The following PDE7B variants were observed in gnomAD, a reference collection of about 807,000 sequenced individuals.
PDE7B encodes the protein 3',5'-cyclic-AMP phosphodiesterase 7B.
Under a neutral mutation model 56.2 loss-of-function variants are expected in PDE7B, and 29 were observed. That is an observed-to-expected ratio of 0.52 (90% CI 0.38 to 0.70). The LOEUF is 0.70. PDE7B is among the 30% of genes least tolerant of loss of function. The pLI is 0.00. For synonymous variants in PDE7B, 197 were observed against 196.9 expected (o/e 1.00, Z 0.00); for missense variants, 490 against 565.0 (o/e 0.87, Z 1.35).
At chr6:135,890,897 G>T (rs1775799357) in intron 1 of PDE7B, among the ~76,000 whole-genome samples, 1 of 152,114 alleles carries the variant, frequency 6.6e-6, no homozygotes, top group South Asian at 2.1e-4. Context: ...AAAAGTTGAA[G>T]TGTTTATTCA....
At chr6:136,141,245 T>A (rs1398980546) in intron 3 of PDE7B, among the ~76,000 whole-genome samples, 2 of 152,226 alleles carry the variant, frequency 1.3e-5, no homozygotes, top group Non-Finnish European at 2.9e-5. Context: ...TGTCTTTGGT[T>A]CTGTTTATAT....
chr6:136,021,023 A>C (rs1776061354), intron 2 of PDE7B, among the ~76,000 whole-genome samples: 2 of 152,144 alleles, frequency 1.3e-5, no homozygotes, highest in South Asian at 4.1e-4. Flanking sequence ...CACCTACTGT[A>C]CCTAGTTTCC....
chr6:136,069,378 C>A (rs1057082311), intron 2 of PDE7B, among the ~76,000 whole-genome samples: 1 of 152,150 alleles, frequency 6.6e-6, no homozygotes, highest in Non-Finnish European at 1.5e-5. Flanking sequence ...TGAGGCTACA[C>A]TGATCAAATC....
At chr6:135,920,546 CAT>C (rs1292810671) in intron 1 of PDE7B, among the ~76,000 whole-genome samples, 1 of 152,140 alleles carries the variant, frequency 6.6e-6, no homozygotes, top group Non-Finnish European at 1.5e-5. Context: ...TTGTGTCACC[CAT>C]ATGATAGTGA....
intron 11 of PDE7B, among the ~76,000 whole-genome samples, chr6:136,186,297 G>A (rs1424077290): frequency 3.3e-5 from 5 of 151,944 alleles, no homozygotes; most frequent in South Asian, 2.1e-4. Flanking sequence ...GCATGGTGGT[G>A]CATGCCTGTA....
chr6:136,113,366 G>C (rs1777780753), intron 3 of PDE7B, among the ~76,000 whole-genome samples: 1 of 152,292 alleles, frequency 6.6e-6, no homozygotes, highest in East Asian at 1.9e-4. Context: ...GATTCATCTA[G>C]ATCAATAGAA....
chr6:136,113,229 G>C (rs1376799330), intron 3 of PDE7B, among the ~76,000 whole-genome samples: 1 of 152,136 alleles, frequency 6.6e-6, no homozygotes. Flanking sequence ...CACAATGTGT[G>C]TGTGTATATA....
rs1779139601 is a variant in PDE7B at position 136,185,996 on chromosome 6, TAC to T, written c.1046-1038_1046-1037del. On this transcript the variant is annotated intron_variant, in intron 11 of 12. Coordinates refer to ENST00000308191, the MANE Select transcript of PDE7B (RefSeq NM_018945.4). ...AGTATTTCAATAAAGTTTTGTACAA[TAC>T]ATTTCTCCTTTGATCTTCTATTAGG... Among the ~76,000 whole-genome samples the T allele has an allele frequency of 2.0e-5, 3 of 152,190 alleles. No individual in the cohort carries two copies. The South Asian group carries it at 6.2e-4, about 32-fold the overall frequency.
chr6:136,169,260 T>C (rs545420406), intron 8 of PDE7B, among the ~76,000 whole-genome samples: 100 of 152,278 alleles, frequency 6.6e-4, no homozygotes, highest in Middle Eastern at 3.4e-3. Flanking sequence ...GAATCCACCA[T>C]GGTGCCCCTA....
Position 136,075,331 on chromosome 6 carries a change from C to T in PDE7B, c.83-33400C>T, listed in dbSNP as rs943333371. Among the ~76,000 whole-genome samples the T allele has an allele frequency of 4.6e-5, 7 of 152,160 alleles. No homozygotes were observed. The East Asian group carries it at 5.8e-4, about 13-fold the overall frequency. Reference sequence around the variant, plus strand: ...TAAGATTTCAAAGTGCTAGGCAAAGCGTCCCCAACCCACTGCAGATTCTCA... The same window carrying T: ...TAAGATTTCAAAGTGCTAGGCAAAGTGTCCCCAACCCACTGCAGATTCTCA... On this transcript the variant is annotated intron_variant, in intron 2 of 12. Transcript: ENST00000308191.
intron 1 of PDE7B, among the ~76,000 whole-genome samples, chr6:135,910,043 T>C (rs549010191): frequency 4.6e-5 from 7 of 152,232 alleles, no homozygotes; most frequent in Non-Finnish European, 8.8e-5. Flanking sequence ...ATTGCTTTTG[T>C]AGTGTCTGTG....
chr6:135,942,969 T>C (rs992636025), intron 1 of PDE7B, among the ~76,000 whole-genome samples: 4 of 152,334 alleles, frequency 2.6e-5, no homozygotes, highest in East Asian at 3.9e-4. Context: ...CAGTATTTTA[T>C]AGCATTCATC....
In PDE7B at chr6:135,900,389, T is replaced by C. The variant is rs1209097757; in HGVS notation, c.22-47075T>C. ...ATTTTACATCCTTGTCCTCAACTCTTTGTCCTTTTTAGCTACATTCCTAAA... is the reference window on the plus strand; with the variant it reads ...ATTTTACATCCTTGTCCTCAACTCTCTGTCCTTTTTAGCTACATTCCTAAA... On this transcript the variant is annotated intron_variant, in intron 1 of 12. Transcript: ENST00000308191. Among the ~76,000 whole-genome samples, 3 of 152,162 alleles carry C rather than the reference T, an allele frequency of 2.0e-5. No homozygotes were observed. In the East Asian group the frequency reaches 5.8e-4, roughly 29 times the overall value.
intron 2 of PDE7B, among the ~76,000 whole-genome samples, chr6:136,005,491 C>T (rs1489116394): frequency 6.6e-6 from 1 of 152,164 alleles, no homozygotes; most frequent in Non-Finnish European, 1.5e-5. Flanking sequence ...CTACAATGAA[C>T]TCCAACAAAT....
rs116950997 is a variant in PDE7B at position 135,873,178 on chromosome 6, G to T, written c.21+21159G>T. Reference sequence around the variant, plus strand: ...AGTGATCTGTCATTAAGTGGCAATTGTTGTTTAACTCCCTTCACTTTTCTC... The same window carrying T: ...AGTGATCTGTCATTAAGTGGCAATTTTTGTTTAACTCCCTTCACTTTTCTC... On this transcript the variant is annotated intron_variant, in intron 1 of 12. Coordinates refer to ENST00000308191, the MANE Select transcript of PDE7B (RefSeq NM_018945.4). 7.7e-3 allele frequency among the ~76,000 whole-genome samples: 1,169 copies of T among 152,228 alleles called. 14 individuals are homozygous for T. The highest frequency in any genetic ancestry group is 0.012 in the Non-Finnish European group (808 of 67,986).
intron 2 of PDE7B, among the ~76,000 whole-genome samples, chr6:136,031,885 G>A (rs1776253131): frequency 6.6e-6 from 1 of 152,022 alleles, no homozygotes; most frequent in African/African-American, 2.4e-5. Context: ...CCTCACTCAG[G>A]CATTTTCCAG....
intron 2 of PDE7B, among the ~76,000 whole-genome samples, chr6:136,084,399 G>T (rs951821116): frequency 6.6e-6 from 1 of 152,136 alleles, no homozygotes; most frequent in African/African-American, 2.4e-5. Flanking sequence ...ATTCAGCTTG[G>T]ACTCTAGGAA....
At chr6:135,938,096 G>A (rs986089811) in intron 1 of PDE7B, among the ~76,000 whole-genome samples, 3 of 152,202 alleles carry the variant, frequency 2.0e-5, no homozygotes, top group Admixed American at 6.5e-5. Context: ...TCACACAGCT[G>A]TTGAGGAATA....
chr6:136,052,226 G>A (rs749051742), intron 2 of PDE7B, among the ~76,000 whole-genome samples: 5 of 152,302 alleles, frequency 3.3e-5, no homozygotes, highest in South Asian at 2.1e-4. Context: ...GAAGAGTTAC[G>A]CAAAGCAGTT....
Sources: gnomAD v4.1 joint callset for allele counts (sites outside exome capture counted in the v4.1 genomes callset) on GRCh38, gnomAD v4.1.1 for gene constraint, MANE v1.5 for transcripts, NCBI Gene and HGNC (gene_info 2026-07-23, HGNC 2026-07-21) for gene names.